RASGRF2: variants seen among roughly 807,000 people sequenced by gnomAD.
The protein encoded by RASGRF2 is Ras protein specific guanine nucleotide releasing factor 2.
In RASGRF2, 76 loss-of-function variants were observed where a neutral mutation model predicts 151.0. The observed-to-expected ratio is 0.50, with a 90% CI of 0.42 to 0.61. RASGRF2 has a LOEUF of 0.61. Ranked by LOEUF, RASGRF2 falls within the 20% of genes least tolerant of loss-of-function variation. The probability of loss-of-function intolerance (pLI) is 0.00; values close to 1 mark genes in which losing one functional copy is unlikely to be tolerated. For missense variants in RASGRF2, 1,148 were observed against 1,564.6 expected (o/e 0.73, Z 4.49); for synonymous variants, 504 against 566.5 (o/e 0.89, Z 1.57).
chr5:81,186,312 A>G (rs1307891101), intron 18 of RASGRF2, among the ~76,000 whole-genome samples: 1 of 152,158 alleles, frequency 6.6e-6, no homozygotes, highest in Non-Finnish European at 1.5e-5. Flanking sequence ...GGACATTTCC[A>G]GCACCTGAGA....
chr5:81,101,705 C>T (rs1409184893), intron 12 of RASGRF2, among the ~76,000 whole-genome samples: 1 of 151,996 alleles, frequency 6.6e-6, no homozygotes, highest in Admixed American at 6.6e-5. Flanking sequence ...GGTTGTGTAC[C>T]AATTATCAAA....
At chr5:80,963,377 A>C (rs1161550481) in intron 1 of RASGRF2, among the ~76,000 whole-genome samples, 4 of 152,184 alleles carry the variant, frequency 2.6e-5, no homozygotes, top group Admixed American at 2.6e-4. Flanking sequence ...GGACTTAGTG[A>C]GGCAGAGTCA....
chr5:81,199,048 C>T (rs1006060551), intron 18 of RASGRF2, among the ~76,000 whole-genome samples: 13 of 152,218 alleles, frequency 8.5e-5, no homozygotes, highest in African/African-American at 2.9e-4. Context: ...GAAGAACCTG[C>T]TCTTAGACAG....
chr5:81,201,617 A>C (rs1755397463), intron 19 of RASGRF2, among the ~76,000 whole-genome samples, 175 bp downstream of exon 19: 1 of 152,212 alleles, frequency 6.6e-6, no homozygotes, highest in Non-Finnish European at 1.5e-5. Context: ...CTGCTGTCTC[A>C]GGAAGACTCG....
rs115298077 is a variant in RASGRF2 at position 81,023,013 on chromosome 5, C to T, written c.289-19864C>T. On this transcript the variant is annotated intron_variant, in intron 1 of 26. Coordinates refer to ENST00000265080, the MANE Select transcript of RASGRF2 (RefSeq NM_006909.3). ...ATAACTTTGAGGTTCCTAGGTGGAG[C>T]AGCTGTTGAGTCCAGATGCACTTTT... Among the ~76,000 whole-genome samples, 524 of 144,122 alleles carry T rather than the reference C, an allele frequency of 3.6e-3. 4 individuals carry two copies. The highest frequency in any genetic ancestry group is 0.013 in the African/African-American group (510 of 38,660). The allele number at this position is 144,122 out of a possible 152,430, so 94.5% of individuals were successfully genotyped here. A position where few individuals can be genotyped will look rare whatever the true frequency, so the allele number is the denominator to read the frequency against.
At chr5:81,154,390 CTA>C (rs1444595839) in intron 17 of RASGRF2, among the ~76,000 whole-genome samples, 1 of 152,092 alleles carries the variant, frequency 6.6e-6, no homozygotes, top group Non-Finnish European at 1.5e-5. Flanking sequence ...ACTGGACTGA[CTA>C]ATTCTTTTTT....
chr5:80,960,942 G>A lies in RASGRF2; in HGVS notation c.204G>A (p.Leu68=). ...QSCRPAGMYL[L]EGCSCERTPA... is the part of the protein sequence containing the mutation. ...GCCGCCCGGCGGGCATGTACCTCCT[G>A]GAGGGCTGCAGCTGCGAACGAACGC... Residue 68 remains leucine (L), a synonymous_variant, in exon 1 of 27, where the codon CTG becomes CTA. Transcript: ENST00000265080. This position sits in a 1 kb window ranked among gnomAD's most constrained non-coding sequence, Gnocchi z 5.5. The A allele has an allele frequency of 6.3e-7, 1 of 1,584,614 alleles. No individual in the cohort carries two copies. The highest frequency in any genetic ancestry group is 1.1e-5 in the South Asian group (1 of 89,292).
intron 17 of RASGRF2, among the ~76,000 whole-genome samples, chr5:81,132,546 C>T (rs1753649664): frequency 6.6e-6 from 1 of 152,114 alleles, no homozygotes; most frequent in African/African-American, 2.4e-5. Flanking sequence ...GTAAATAAGC[C>T]TCATTGTCTT....
At chr5:81,079,164 T>C (rs890337585) in intron 5 of RASGRF2, among the ~76,000 whole-genome samples, 1 of 152,196 alleles carries the variant, frequency 6.6e-6, no homozygotes, top group Admixed American at 6.5e-5. Flanking sequence ...GGAAATGTAG[T>C]TTTAGTTTTA....
chr5:81,075,164 A>C (rs1035164327), intron 5 of RASGRF2, among the ~76,000 whole-genome samples: 1 of 152,188 alleles, frequency 6.6e-6, no homozygotes, highest in Non-Finnish European at 1.5e-5. Context: ...GATGATTATA[A>C]TGGAGGCAGT....
chr5:80,977,318 C>T (rs1262998694), intron 1 of RASGRF2, among the ~76,000 whole-genome samples: 1 of 152,164 alleles, frequency 6.6e-6, no homozygotes, highest in Admixed American at 6.5e-5. Flanking sequence ...ACTCTGGATC[C>T]TCAAGCTTAC....
intron 17 of RASGRF2, among the ~76,000 whole-genome samples, chr5:81,153,936 CA>C (rs556291739): frequency 1.8e-3 from 223 of 125,500 alleles, no homozygotes; most frequent in Admixed American, 2.2e-3. Context: ...ACTGTAAGAC[CA>C]AAAAAAAAAA....
At chr5:81,136,433 TTTTTC>T (rs1753755764) in intron 17 of RASGRF2, among the ~76,000 whole-genome samples, 1 of 152,216 alleles carries the variant, frequency 6.6e-6, no homozygotes, top group Non-Finnish European at 1.5e-5. Context: ...CTTGGTGGTT[TTTTTC>T]TTTTAACACT....
intron 1 of RASGRF2, among the ~76,000 whole-genome samples, chr5:80,989,401 A>G (rs1748578836): frequency 6.6e-6 from 1 of 152,222 alleles, no homozygotes; most frequent in Non-Finnish European, 1.5e-5. Context: ...CAGATGTTAA[A>G]AGAATTGATC....
At chr5:81,191,966 A>G (rs992012818) in intron 18 of RASGRF2, among the ~76,000 whole-genome samples, 4 of 152,312 alleles carry the variant, frequency 2.6e-5, no homozygotes, top group Admixed American at 6.5e-5. Context: ...TTGTTCTAAC[A>G]TATCTTCCAC....
intron 13 of RASGRF2, among the ~76,000 whole-genome samples, chr5:81,110,266 C>A (rs1468133626): frequency 1.3e-5 from 2 of 152,180 alleles, no homozygotes; most frequent in Non-Finnish European, 2.9e-5. Flanking sequence ...GGTTTGATCT[C>A]TCAAGATTGC....
At position 81,217,437 on chromosome 5, in the gene RASGRF2, T is replaced by C; in HGVS notation, c.3516T>C (p.Thr1172=). ...TTGAAGAAGGAACACCAAACTTTAC[T>C]GAGGAAGGCCTTGTCAATTTCTCCA... ...AFIEEGTPNF[T]EEGLVNFSKM... Residue 1172 remains threonine (T), a synonymous_variant, in exon 25 of 27, where the codon ACT becomes ACC. Transcript: ENST00000265080. 6.2e-7 allele frequency: 1 copy of C among 1,613,348 alleles called. No homozygotes were observed. Among genetic ancestry groups the C allele is most frequent in the Non-Finnish European group, 8.5e-7 (1 of 1,179,806 alleles).
Position 81,046,223 on chromosome 5 carries a change from T to C in RASGRF2, c.395+3240T>C, listed in dbSNP as rs78821804. On this transcript the variant is annotated intron_variant, in intron 2 of 26. Coordinates refer to ENST00000265080, the MANE Select transcript of RASGRF2 (RefSeq NM_006909.3). Reference sequence around the variant, plus strand: ...TTGTTTTCCTGGGATGGCTTTTCAGTACCAGCCTGGGTGTGCTGTCTTTGT... The same window carrying C: ...TTGTTTTCCTGGGATGGCTTTTCAGCACCAGCCTGGGTGTGCTGTCTTTGT... Among the ~76,000 whole-genome samples the C allele has an allele frequency of 4.7e-3, 722 of 152,298 alleles. 2 individuals are homozygous for C. The highest frequency in any genetic ancestry group is 0.016 in the African/African-American group (658 of 41,576).
Position 81,086,815 on chromosome 5 carries a change from C to T in RASGRF2, c.1272-20C>T, listed in dbSNP as rs778477190. On this transcript the variant is annotated intron_variant, in intron 8 of 26. Coordinates refer to ENST00000265080, the MANE Select transcript of RASGRF2 (RefSeq NM_006909.3). ...AGAGAAAATCTCTCTTACTGTGATC[C>T]TGTCTGTGTTGTGTCACAGAGTAAT... 1 of 1,565,486 alleles carries T rather than the reference C, an allele frequency of 6.4e-7. No homozygotes were observed. The highest frequency in any genetic ancestry group is 8.8e-7 in the Non-Finnish European group (1 of 1,136,036).
Sources: gnomAD v4.1 joint callset for allele counts (sites outside exome capture counted in the v4.1 genomes callset) on GRCh38, gnomAD v4.1.1 for gene constraint, Gnocchi (gnomAD v3.1) non-coding constraint, MANE v1.5 for transcripts, NCBI Gene and HGNC (gene_info 2026-07-23, HGNC 2026-07-21) for gene names.